The following GNAI2 variants were observed in gnomAD, a reference collection of about 807,000 sequenced individuals.
The protein encoded by GNAI2 is G protein subunit alpha i2.
GNAI2 carries 4 observed loss-of-function variants against 36.8 expected under a neutral mutation model. That is an observed-to-expected ratio of 0.11 (90% confidence interval 0.05 to 0.25). GNAI2 has a LOEUF of 0.25. GNAI2 is among the 10% of genes least tolerant of loss of function. The pLI is 1.00. For synonymous variants in GNAI2, 194 were observed against 194.1 expected, an observed-to-expected ratio of 1.00 and a Z score of 0.01; for missense variants, 230 against 481.3, an observed-to-expected ratio of 0.48 and a Z score of 4.89.
chr3:50,257,759 G>C lies in GNAI2; in HGVS notation c.*24+45G>C, dbSNP rs1029995769. 4.5e-6 allele frequency: 5 copies of C among 1,102,732 alleles called. No individual in the cohort carries two copies. The South Asian group carries it at 7.5e-5, about 17-fold the overall frequency. 68.3% of individuals were successfully genotyped at this position (1,102,732 alleles called of 1,614,324 possible). A position where few individuals can be genotyped will look rare whatever the true frequency, so the allele number is the denominator to read the frequency against. ...GCAGGGTGCTGGGGAAGAACTAAGC[G>C]GGCCTGGAGCCCCAGCAGGGGGTTC... is the stretch of plus-strand genomic sequence containing the variant. On this transcript the variant is annotated intron_variant, in intron 8 of 8. Transcript: ENST00000313601.
intron 1 of GNAI2, among the ~76,000 whole-genome samples, chr3:50,248,949 A>C (rs1553702069): frequency 6.6e-6 from 1 of 151,992 alleles, no homozygotes; most frequent in African/African-American, 2.4e-5. Flanking sequence ...GATGCAAAGC[A>C]AGTTTGCACC....
intron 5 of GNAI2, 135 bp from the exon 6 acceptor site, chr3:50,256,588 G>C: frequency 1.0e-6 from 1 of 964,202 alleles, no homozygotes; most frequent in East Asian, 2.4e-5. Flanking sequence ...GGTGAAGTGG[G>C]CAAGTGTGGA....
At chr3:50,227,247 C>T, upstream of GNAI2, 1 of 1,090,998 alleles carries the variant, frequency 9.2e-7, no homozygotes, top group Non-Finnish European at 1.2e-6. This position sits in a 1 kb window ranked among gnomAD's most constrained non-coding sequence, Gnocchi z 5.9. Context: ...GGGCCCCGCG[C>T]GGGGCAAGGG....
rs372525638 is a variant in GNAI2, at chr3:50,252,978, G to A, written c.304-46G>A. 43 of 1,517,852 alleles carry A rather than the reference G, an allele frequency of 2.8e-5. No homozygotes were observed. The highest frequency in any genetic ancestry group is 3.8e-5 in the Non-Finnish European group (42 of 1,115,158). The allele number at this position is 1,517,852 out of a possible 1,614,324, so 94.0% of individuals were successfully genotyped here. On this transcript the variant is annotated intron_variant, in intron 3 of 8. Transcript: ENST00000313601. The surrounding 1 kb of genome is among the most constrained non-coding windows in gnomAD (Gnocchi z 4.1). ...GAGGTCTCCCTGCCTCTGGCAGAGT[G>A]GGGGTACATTCCTTCAACTGCCTGA...
In GNAI2 at chr3:50,253,701, G is replaced by A. The variant is rs780314958; in HGVS notation, c.464+517G>A. Among the ~76,000 whole-genome samples the A allele has an allele frequency of 2.0e-5, 3 of 152,192 alleles. No homozygotes were observed. Among genetic ancestry groups the A allele is most frequent in the African/African-American group, 7.2e-5 (3 of 41,466 alleles). ...GGAGCTTGCAGTGAGCGGAGATTGCGCCACTGCACTCTAGCTTGGGTGACA... is the reference window on the plus strand; with the variant it reads ...GGAGCTTGCAGTGAGCGGAGATTGCACCACTGCACTCTAGCTTGGGTGACA... On this transcript the variant is annotated intron_variant, in intron 4 of 8. Coordinates refer to ENST00000313601, the MANE Select transcript of GNAI2 (RefSeq NM_002070.4). This position sits in a 1 kb window ranked among gnomAD's most constrained non-coding sequence, Gnocchi z 4.2.
At chr3:50,243,334 A>AG (rs1282298476) in intron 1 of GNAI2, among the ~76,000 whole-genome samples, 1 of 152,100 alleles carries the variant, frequency 6.6e-6, no homozygotes, top group Non-Finnish European at 1.5e-5. Flanking sequence ...CGCTGGCGGG[A>AG]GGGCTAGCAG....
intron 1 of GNAI2, among the ~76,000 whole-genome samples, chr3:50,239,291 T>G (rs1700251384): frequency 6.6e-6 from 1 of 152,216 alleles, no homozygotes. Flanking sequence ...AGTTCTCTCT[T>G]GCCCCTGGAA....
chr3:50,251,297 G>T (rs997841927), intron 1 of GNAI2: 11 of 863,792 alleles, frequency 1.3e-5, no homozygotes, highest in Non-Finnish European at 1.5e-5. Flanking sequence ...TGTAGAATGG[G>T]AACAGAAACA....
In GNAI2 at chr3:50,252,618, TC is replaced by T; in HGVS notation, c.303+83del. The T allele has an allele frequency of 8.0e-7, 1 of 1,244,878 alleles. No homozygotes were observed. Among genetic ancestry groups the T allele is most frequent in the South Asian group, 1.3e-5 (1 of 78,946 alleles). 77.1% of individuals were successfully genotyped at this position (1,244,878 alleles called of 1,614,324 possible). ...GGTTGTGGTGGCTCATGCCTATAAA[TC>T]CCAGCACTTTGGGACGCCGAGGCGG... On this transcript the variant is annotated intron_variant, in intron 3 of 8. Coordinates refer to ENST00000313601, the MANE Select transcript of GNAI2 (RefSeq NM_002070.4). This position sits in a 1 kb window ranked among gnomAD's most constrained non-coding sequence, Gnocchi z 4.1.
upstream of GNAI2, chr3:50,227,276 G>A: frequency 1.4e-6 from 1 of 712,242 alleles, no homozygotes; most frequent in South Asian, 2.9e-5. The surrounding 1 kb of genome is among the most constrained non-coding windows in gnomAD (Gnocchi z 5.9). Flanking sequence ...TGCCACAGAG[G>A]GCTAGTTGCA....
At chr3:50,230,756 T>G (rs1700054317), upstream of GNAI2, 6 of 962,090 alleles carry the variant, frequency 6.2e-6, no homozygotes, top group Non-Finnish European at 1.2e-6. Context: ...CATTCCATTG[T>G]CCTTTATGGT....
At chr3:50,247,009 C>T in intron 1 of GNAI2, 7 of 1,261,278 alleles carry the variant, frequency 5.5e-6, no homozygotes, top group Non-Finnish European at 7.8e-6. Context: ...ATCTGAAAAT[C>T]TTCAGAAGCT....
chr3:50,232,558 CAG>C (rs1553699886), upstream of GNAI2, among the ~76,000 whole-genome samples: 2 of 152,208 alleles, frequency 1.3e-5, no homozygotes, highest in Admixed American at 6.5e-5. Context: ...AACTGCTCCT[CAG>C]AGTCTTTGCT....
In GNAI2 at chr3:50,253,318, C is replaced by T; in HGVS notation, c.464+134C>T. 1.5e-6 allele frequency: 1 copy of T among 649,672 alleles called. No individual in the cohort carries two copies. The allele number at this position is 649,672 out of a possible 1,614,324, so 40.2% of individuals were successfully genotyped here. A position where few individuals can be genotyped will look rare whatever the true frequency, so the allele number is the denominator to read the frequency against. On this transcript the variant is annotated intron_variant, in intron 4 of 8. Coordinates refer to ENST00000313601, the MANE Select transcript of GNAI2 (RefSeq NM_002070.4). This position sits in a 1 kb window ranked among gnomAD's most constrained non-coding sequence, Gnocchi z 4.2. ...TGAAACCGATGACTGTTAACCAAGG[C>T]CTTCCTGTTTTTTGGTTTGGGGGGT...
rs1700720522 is a variant in GNAI2, at chr3:50,257,110, A to C, written c.877+20A>C. The C allele has an allele frequency of 1.9e-6, 3 of 1,608,376 alleles. No homozygotes were observed. Among genetic ancestry groups the C allele is most frequent in the Non-Finnish European group, 2.6e-6 (3 of 1,176,158 alleles). On this transcript the variant is annotated intron_variant, in intron 7 of 8. Transcript: ENST00000313601. Reference sequence around the variant, plus strand: ...ACACAGGTGTGGGGACTGTGGGGATAGGGCCTCCAGAGGGTTGCTTCTTGT... The same window carrying C: ...ACACAGGTGTGGGGACTGTGGGGATCGGGCCTCCAGAGGGTTGCTTCTTGT...
chr3:50,227,416 G>C, upstream of GNAI2: 4 of 368,920 alleles, frequency 1.1e-5, no homozygotes, highest in Non-Finnish European at 1.9e-5. This position sits in a 1 kb window ranked among gnomAD's most constrained non-coding sequence, Gnocchi z 5.9. Flanking sequence ...GGGGGCCACC[G>C]TGAGTGGGGG....
chr3:50,228,830 ACT>A (rs942436324), upstream of GNAI2, among the ~76,000 whole-genome samples: 2 of 151,788 alleles, frequency 1.3e-5, no homozygotes, highest in African/African-American at 4.8e-5. Flanking sequence ...CACTTCCCTA[ACT>A]CTGTCTGCTT....
In GNAI2 at chr3:50,242,366, A is replaced by AGGCTG. The variant is rs1700317998; in HGVS notation, c.118+5915_118+5916insCTGGG. Among the ~76,000 whole-genome samples, 1 of 152,196 alleles carries AGGCTG rather than the reference A, an allele frequency of 6.6e-6. No homozygotes were observed. Among genetic ancestry groups the AGGCTG allele is most frequent in the South Asian group, 2.1e-4 (1 of 4,836 alleles). On this transcript the variant is annotated intron_variant, in intron 1 of 8. Coordinates refer to ENST00000313601, the MANE Select transcript of GNAI2 (RefSeq NM_002070.4). This position sits in a 1 kb window ranked among gnomAD's most constrained non-coding sequence, Gnocchi z 4.8. ...CATCTCAGGCCAGGAATCCCAGCCT[A>AGGCTG]GGAGTTGAGCGAGGAGGGGAAGGGG... is the stretch of plus-strand genomic sequence containing the variant.
chr3:50,227,657 C>T (rs978089478), upstream of GNAI2, among the ~76,000 whole-genome samples: 12 of 152,230 alleles, frequency 7.9e-5, no homozygotes, highest in African/African-American at 2.7e-4. This position sits in a 1 kb window ranked among gnomAD's most constrained non-coding sequence, Gnocchi z 5.9. Flanking sequence ...GGGAGGACGC[C>T]TTGGGCGGGG....
Sources: allele counts gnomAD v4.1 joint callset (sites outside exome capture counted in the v4.1 genomes callset), GRCh38; gene constraint gnomAD v4.1.1; non-coding constraint Gnocchi (gnomAD v3.1); transcripts MANE v1.5; gene names NCBI Gene and HGNC (gene_info 2026-07-23, HGNC 2026-07-21).